The following FSTL5 variants were observed in gnomAD, a reference collection of about 807,000 sequenced individuals.
The protein encoded by FSTL5 is follistatin like 5, also known as follistatin-related protein 5.
A neutral mutation model predicts 89.1 loss-of-function variants in FSTL5; 62 were observed. The observed-to-expected ratio is 0.70, with a 90% confidence interval of 0.57 to 0.86. The LOEUF (loss-of-function observed/expected upper bound fraction) is 0.86, where lower values mean the gene tolerates loss of function less well. Among genes scored for constraint, FSTL5 ranks in the 40% least tolerant of loss-of-function variants. The pLI is 0.00. For missense variants in FSTL5, 1,057 were observed against 1,001.6 expected (o/e 1.06, Z -0.75); for synonymous variants, 383 against 346.2 (o/e 1.11, Z -1.18).
intron 10 of FSTL5, among the ~76,000 whole-genome samples, 184 bp downstream of exon 10, chr4:161,537,982 C>T (rs899759897): frequency 6.6e-6 from 1 of 152,104 alleles, no homozygotes; most frequent in African/African-American, 2.4e-5. Context: ...AATTTCACAA[C>T]TTTTTTTCAT....
chr4:161,895,329 G>T (rs1461237551), intron 4 of FSTL5, among the ~76,000 whole-genome samples: 1 of 152,076 alleles, frequency 6.6e-6, no homozygotes, highest in African/African-American at 2.4e-5. Flanking sequence ...ATTTAAAAAT[G>T]CAAATGTCCT....
At chr4:162,081,167 A>C (rs560131888) in intron 2 of FSTL5, among the ~76,000 whole-genome samples, 13 of 151,746 alleles carry the variant, frequency 8.6e-5, no homozygotes, top group Admixed American at 7.9e-4. Flanking sequence ...ATGTAATACC[A>C]ATCTCTCGAA....
intron 6 of FSTL5, among the ~76,000 whole-genome samples, chr4:161,702,273 T>C (rs1738416885): frequency 6.6e-6 from 1 of 152,212 alleles, no homozygotes; most frequent in Non-Finnish European, 1.5e-5. Flanking sequence ...ATGAAGATGA[T>C]GAGAAGGGTC....
At chr4:162,026,386 C>T (rs2111174637) in intron 3 of FSTL5, among the ~76,000 whole-genome samples, 1 of 131,290 alleles carries the variant, frequency 7.6e-6, no homozygotes, top group African/African-American at 2.8e-5. Context: ...TCGGCCACTG[C>T]AACCTACTTC....
chr4:162,016,715 T>A (rs1482302321), intron 3 of FSTL5, among the ~76,000 whole-genome samples: 1 of 152,224 alleles, frequency 6.6e-6, no homozygotes, highest in Non-Finnish European at 1.5e-5. Flanking sequence ...CTGGCATTTT[T>A]GAGCATCTTT....
intron 6 of FSTL5, among the ~76,000 whole-genome samples, chr4:161,669,910 T>G (rs1371047997): frequency 6.6e-6 from 1 of 152,076 alleles, no homozygotes; most frequent in Non-Finnish European, 1.5e-5. Flanking sequence ...TTTAAATATA[T>G]GTACACAAGA....
chr4:161,976,760 C>T (rs1005994827), intron 3 of FSTL5, among the ~76,000 whole-genome samples: 4 of 152,096 alleles, frequency 2.6e-5, no homozygotes, highest in Non-Finnish European at 4.4e-5. Context: ...GGATTACAGG[C>T]GTGAGCCATC....
intron 6 of FSTL5, among the ~76,000 whole-genome samples, chr4:161,661,903 A>T (rs971728019): frequency 1.3e-5 from 2 of 152,212 alleles, no homozygotes; most frequent in Non-Finnish European, 2.9e-5. Context: ...ATTTATTCTT[A>T]AAAGCATTAG....
At chr4:161,906,251 T>C (rs977020313) in intron 4 of FSTL5, among the ~76,000 whole-genome samples, 1 of 152,138 alleles carries the variant, frequency 6.6e-6, no homozygotes, top group Non-Finnish European at 1.5e-5. Flanking sequence ...GTACTAGTTA[T>C]CGGCGGTTAA....
At chr4:161,517,513 T>C (rs1282955387) in intron 10 of FSTL5, among the ~76,000 whole-genome samples, 3 of 152,134 alleles carry the variant, frequency 2.0e-5, no homozygotes, top group Admixed American at 6.5e-5. Flanking sequence ...TTTTAGTAAA[T>C]TGCCTTATTT....
intron 15 of FSTL5, among the ~76,000 whole-genome samples, chr4:161,402,226 A>T (rs189666189): frequency 2.6e-4 from 39 of 152,352 alleles, no homozygotes; most frequent in Admixed American, 4.6e-4. Context: ...CATTTGCAAC[A>T]AAAAGCAATC....
intron 3 of FSTL5, among the ~76,000 whole-genome samples, chr4:162,027,393 A>G (rs1737336998): frequency 1.3e-5 from 2 of 152,220 alleles, no homozygotes; most frequent in South Asian, 2.1e-4. Context: ...ACAATTGCTA[A>G]TTATTCATGG....
chr4:161,423,517 G>A (rs1732059753), intron 15 of FSTL5, among the ~76,000 whole-genome samples: 2 of 151,792 alleles, frequency 1.3e-5, no homozygotes, highest in African/African-American at 4.8e-5. Context: ...ATGCATTCCA[G>A]TTTTCTTCAT....
intron 2 of FSTL5, among the ~76,000 whole-genome samples, chr4:162,045,926 T>C (rs1872069): frequency 0.071 from 10,695 of 150,622 alleles, 499 homozygotes; most frequent in East Asian, 0.16. Flanking sequence ...TACAATATTT[T>C]ACGAGTTTTT....
chr4:161,750,567 T>C (rs1447495726), intron 6 of FSTL5, among the ~76,000 whole-genome samples: 1 of 152,186 alleles, frequency 6.6e-6, no homozygotes, highest in African/African-American at 2.4e-5. Flanking sequence ...GTTTATATTA[T>C]GTTTCATTAG....
chr4:161,888,496 T>C (rs1732885104), intron 4 of FSTL5, among the ~76,000 whole-genome samples: 1 of 152,236 alleles, frequency 6.6e-6, no homozygotes, highest in Admixed American at 6.5e-5. Flanking sequence ...GCAAGTAGCA[T>C]ACTTGACTAA....
chr4:161,499,928 A>T, intron 12 of FSTL5, 88 bp downstream of exon 12: 1 of 752,544 alleles, frequency 1.3e-6, no homozygotes, highest in Non-Finnish European at 2.3e-6. Flanking sequence ...AGTCTCATAT[A>T]TGTATAGGTT....
rs1214366143 is a variant in FSTL5 at position 161,830,837 on chromosome 4, A to G, written c.410-54763T>C. Among the ~76,000 whole-genome samples, 3 of 152,086 alleles carry G rather than the reference A, an allele frequency of 2.0e-5. No homozygotes were observed. The East Asian group carries it at 5.8e-4, about 29-fold the overall frequency. On this transcript the variant is annotated intron_variant, in intron 4 of 15. Coordinates refer to ENST00000306100, the MANE Select transcript of FSTL5 (RefSeq NM_020116.5). ...TTTCTTCAAATTGTTTGATCATAGTATGCTAAAAAAAATTGGGGTTGGAAG... is the reference window on the plus strand; with the variant it reads ...TTTCTTCAAATTGTTTGATCATAGTGTGCTAAAAAAAATTGGGGTTGGAAG...
chr4:161,627,141 T>C (rs1735340949), intron 7 of FSTL5, among the ~76,000 whole-genome samples: 1 of 152,186 alleles, frequency 6.6e-6, no homozygotes, highest in Admixed American at 6.6e-5. Flanking sequence ...CTATGAAAAG[T>C]ATCATATGCT....
Sources: allele counts gnomAD v4.1 joint callset (sites outside exome capture counted in the v4.1 genomes callset), GRCh38; gene constraint gnomAD v4.1.1; transcripts MANE v1.5; gene names NCBI Gene and HGNC (gene_info 2026-07-23, HGNC 2026-07-21).